The following EEF1AKMT4 variants were observed in gnomAD, a reference collection of about 807,000 sequenced individuals.
EEF1AKMT4 encodes the protein EEF1A lysine methyltransferase 4, also known as eukaryotic translation elongation factor 1 alpha lysine specific methyltransferase 4.
EEF1AKMT4 carries 17 observed loss-of-function variants against 23.0 expected under a neutral mutation model. The observed-to-expected ratio is 0.74, with a 90% CI of 0.51 to 1.11. EEF1AKMT4 has a LOEUF of 1.11. Ranked by LOEUF, EEF1AKMT4 falls within the 50% of genes least tolerant of loss-of-function variation. EEF1AKMT4 has a pLI of 0.00. For synonymous variants in EEF1AKMT4, 140 were observed against 141.4 expected, an observed-to-expected ratio of 0.99 and a Z score of 0.07; for missense variants, 318 against 333.4, an observed-to-expected ratio of 0.95 and a Z score of 0.36.
In EEF1AKMT4 at chr3:184,258,378, T is replaced by C. The variant is rs1719908540; in HGVS notation, c.571T>C (p.Tyr191His). Reference sequence around the variant, plus strand: ...GACCAGACACTATGCCCAAGCCTATTATGGCTGGTCCCTGAGGCATGCTAC... The same window carrying C: ...GACCAGACACTATGCCCAAGCCTATCATGGCTGGTCCCTGAGGCATGCTAC... ...FRTRHYAQAY[Y>H]GWSLRHATYG... The change falls in exon 3 of 3, where the codon TAT becomes CAT. Residue 191 changes from tyrosine (Y) to histidine (H), a missense_variant. Transcript: ENST00000324557. 6.2e-7 allele frequency: 1 copy of C among 1,613,954 alleles called. No homozygotes were observed. The highest frequency in any genetic ancestry group is 8.5e-7 in the Non-Finnish European group (1 of 1,179,904).
At chr3:184,256,609 C>A (rs1443256140) in intron 1 of EEF1AKMT4, among the ~76,000 whole-genome samples, 1 of 152,014 alleles carries the variant, frequency 6.6e-6, no homozygotes, top group Non-Finnish European at 1.5e-5. Context: ...AATATCAGAC[C>A]CAAATCTCTG....
intron 1 of EEF1AKMT4, among the ~76,000 whole-genome samples, chr3:184,256,286 A>AAAAAG (rs1222118857): frequency 4.1e-5 from 6 of 146,656 alleles, no homozygotes; most frequent in South Asian, 4.2e-4. Flanking sequence ...AAAAAAAAAA[A>AAAAAG]AAAAGAAAAG....
In EEF1AKMT4 at chr3:184,249,849, T is replaced by TA; in HGVS notation, c.156dup (p.Glu53ArgfsTer31). On this transcript the variant is annotated frameshift_variant, in exon 1 of 3. Coordinates refer to ENST00000324557, the MANE Select transcript of EEF1AKMT4 (RefSeq NM_032331.4). LOFTEE classifies it high-confidence loss of function. ...GACTTCTCCTCCTTCCGTGCCCTCC[T>TA]AGAGCCGGAGCTGCGGCCCGAGGAC... 1.9e-6 allele frequency: 3 copies of TA among 1,613,040 alleles called. No homozygotes were observed. Among genetic ancestry groups the TA allele is most frequent in the Non-Finnish European group, 1.7e-6 (2 of 1,179,872 alleles).
rs751755981 is a variant in EEF1AKMT4, at chr3:184,257,209, CAAA to C, written c.197-245_197-243del. ...TGGGCGACCGAGTGAGAATTCATCT[CAAA>C]AAAAAAAAAAAAAAAAAATCCATGT... On this transcript the variant is annotated intron_variant, in intron 1 of 2. Coordinates refer to ENST00000324557, the MANE Select transcript of EEF1AKMT4 (RefSeq NM_032331.4). Among the ~76,000 whole-genome samples, 332 of 69,492 alleles carry C rather than the reference CAAA, an allele frequency of 4.8e-3. 1 individual carries two copies. The highest frequency in any genetic ancestry group is 0.015 in the African/African-American group (309 of 20,636). The allele number at this position is 69,492 out of a possible 152,430, so 45.6% of individuals were successfully genotyped here.
intron 1 of EEF1AKMT4, 55 bp downstream of exon 1, chr3:184,249,945 TG>T: frequency 2.5e-6 from 4 of 1,577,436 alleles, no homozygotes; most frequent in Non-Finnish European, 3.5e-6. Context: ...CGGCGCCGCA[TG>T]GGCTTGGCCT....
At chr3:184,256,272 C>CAAAAAAAAAAAAAAAAAAAAA (rs59087969) in intron 1 of EEF1AKMT4, among the ~76,000 whole-genome samples, 42 of 54,148 alleles carry the variant, frequency 7.8e-4, no homozygotes, top group African/African-American at 9.9e-4. Flanking sequence ...AACTCCATCT[C>CAAAAAAAAAAAAAAAAAAAAA]AAAAAAAAAA....
intron 1 of EEF1AKMT4, among the ~76,000 whole-genome samples, chr3:184,251,863 A>G (rs962550685): frequency 2.6e-5 from 4 of 152,248 alleles, no homozygotes; most frequent in Admixed American, 1.3e-4. Flanking sequence ...AAACATAAGC[A>G]TATTTATTAA....
chr3:184,252,424 T>A (rs1719599675), intron 1 of EEF1AKMT4, among the ~76,000 whole-genome samples: 1 of 152,194 alleles, frequency 6.6e-6, no homozygotes, highest in African/African-American at 2.4e-5. Context: ...GAGTGCCTGA[T>A]AAGAGCCAGA....
intron 1 of EEF1AKMT4, among the ~76,000 whole-genome samples, chr3:184,253,640 T>C (rs9842353): frequency 0.032 from 4,883 of 151,554 alleles, 257 homozygotes; most frequent in African/African-American, 0.11. Context: ...AATTTTCCCA[T>C]GTAGAAAATG....
In EEF1AKMT4 at chr3:184,258,419, C is replaced by T. The variant is rs1719911102; in HGVS notation, c.612C>T (p.Phe204=). Residue 204 remains phenylalanine, a synonymous_variant, in exon 3 of 3, where the codon TTC becomes TTT. Transcript: ENST00000324557. ...GGCATGCTACCTATGGCAGCGGTTT[C>T]CACTTCCATCTCTACCTCATGCACA... ...SLRHATYGSG[F]HFHLYLMHKG... 7 of 1,613,966 alleles carry T rather than the reference C, an allele frequency of 4.3e-6. No individual in the cohort carries two copies. Among genetic ancestry groups the T allele is most frequent in the Non-Finnish European group, 5.9e-6 (7 of 1,179,944 alleles).
chr3:184,254,168 T>C (rs1312286752), intron 1 of EEF1AKMT4, among the ~76,000 whole-genome samples: 1 of 152,216 alleles, frequency 6.6e-6, no homozygotes, highest in Admixed American at 6.5e-5. Flanking sequence ...TCCCTATGGC[T>C]GAGACATCCT....
intron 2 of EEF1AKMT4, among the ~76,000 whole-genome samples, chr3:184,258,007 G>A (rs986290515): frequency 1.8e-4 from 28 of 152,194 alleles, no homozygotes; most frequent in African/African-American, 6.8e-4. Flanking sequence ...GTAGCAGCCA[G>A]GTTCCTGACA....
At chr3:184,257,004 T>C (rs1719836966) in intron 1 of EEF1AKMT4, among the ~76,000 whole-genome samples, 1 of 151,892 alleles carries the variant, frequency 6.6e-6, no homozygotes, top group Non-Finnish European at 1.5e-5. Context: ...ATGCATCATA[T>C]CCTGTATATG....
rs59087969 is a variant in EEF1AKMT4, at chr3:184,256,272, CAAAAAAA to C, written c.197-1189_197-1183del. Among the ~76,000 whole-genome samples the C allele has an allele frequency of 2.0e-4, 11 of 54,206 alleles. No individual in the cohort carries two copies. The Admixed American group carries it at 2.5e-3, about 12-fold the overall frequency. 35.6% of individuals were successfully genotyped at this position (54,206 alleles called of 152,430 possible). ...GGGCAACAAGAGTGAAACTCCATCT[CAAAAAAA>C]AAAAAAAAAAAGAAAAGAAAAGAAA... is the stretch of plus-strand genomic sequence containing the variant. On this transcript the variant is annotated intron_variant, in intron 1 of 2. Coordinates refer to ENST00000324557, the MANE Select transcript of EEF1AKMT4 (RefSeq NM_032331.4).
intron 1 of EEF1AKMT4, among the ~76,000 whole-genome samples, chr3:184,256,720 G>C (rs1044854601): frequency 1.3e-5 from 2 of 150,446 alleles, no homozygotes; most frequent in Non-Finnish European, 3.0e-5. Flanking sequence ...ACCCAGGCTA[G>C]AGTGCAATGG....
rs759610304 is a variant in EEF1AKMT4, at chr3:184,257,720, T to C, written c.444T>C (p.Ser148=). ...AACGAGATCCCTGGACCGTGTCCTC[T>C]GAAGGTGTCCACACTGTGGACCAGG... ...AGERDPWTVS[S]EGVHTVDQVL... Residue 148 remains serine (S), a synonymous_variant, in exon 2 of 3, where the codon TCT becomes TCC. Transcript: ENST00000324557. 6.2e-6 allele frequency: 10 copies of C among 1,613,924 alleles called. No homozygotes were observed. Among genetic ancestry groups the C allele is most frequent in the Non-Finnish European group, 7.6e-6 (9 of 1,179,948 alleles).
chr3:184,254,148 G>A (rs79445975), intron 1 of EEF1AKMT4, among the ~76,000 whole-genome samples: 4,945 of 152,250 alleles, frequency 0.032, 267 homozygotes, highest in African/African-American at 0.11. Context: ...TGGAAGACTC[G>A]TGTGTCTGGT....
chr3:184,258,176 A>G (rs1719898282), intron 2 of EEF1AKMT4, 112 bp from the exon 3 acceptor site: 1 of 1,013,212 alleles, frequency 9.9e-7, no homozygotes, highest in Non-Finnish European at 1.5e-6. Flanking sequence ...AGCCTGAGCT[A>G]CAGATGTGGG....
chr3:184,257,894 G>A lies in EEF1AKMT4; in HGVS notation c.480+138G>A, dbSNP rs1377999571. The A allele has an allele frequency of 2.8e-6, 3 of 1,061,978 alleles. No individual in the cohort carries two copies. The African/African-American group carries it at 4.8e-5, about 17-fold the overall frequency. The allele number at this position is 1,061,978 out of a possible 1,614,324, so 65.8% of individuals were successfully genotyped here. On this transcript the variant is annotated intron_variant, in intron 2 of 2. Coordinates refer to ENST00000324557, the MANE Select transcript of EEF1AKMT4 (RefSeq NM_032331.4). ...GTCGCCCTCAGGAGTGTGGCTCTCT[G>A]AAGGGAGGGAAGGGTTAAGCGGGGT... is the stretch of plus-strand genomic sequence containing the variant.
Sources: allele counts gnomAD v4.1 joint callset (sites outside exome capture counted in the v4.1 genomes callset), GRCh38; gene constraint gnomAD v4.1.1; transcripts MANE v1.5; gene names NCBI Gene and HGNC (gene_info 2026-07-23, HGNC 2026-07-21).